The following ADCY1 variants were observed in gnomAD, a reference collection of about 807,000 sequenced individuals.
ADCY1 encodes adenylate cyclase 1.
A neutral mutation model predicts 105.4 loss-of-function variants in ADCY1; 28 were observed. The observed-to-expected ratio is 0.27, with a 90% CI of 0.20 to 0.36. The LOEUF (loss-of-function observed/expected upper bound fraction) is 0.36, where lower values mean the gene tolerates loss of function less well. Ranked by LOEUF, ADCY1 falls within the 10% of genes least tolerant of loss-of-function variation. ADCY1 has a pLI of 1.00. For missense variants in ADCY1, 977 were observed against 1,434.2 expected (o/e 0.68, Z 5.15); for synonymous variants, 655 against 623.8 (o/e 1.05, Z -0.75).
intron 6 of ADCY1, among the ~76,000 whole-genome samples, chr7:45,659,396 C>T (rs904354396): frequency 2.0e-5 from 3 of 152,222 alleles, no homozygotes; most frequent in Non-Finnish European, 2.9e-5. Flanking sequence ...GTTTGCTTCT[C>T]GCCCCATAAA....
At chr7:45,664,669 G>T in intron 8 of ADCY1, 4 of 398,498 alleles carry the variant, frequency 1.0e-5, no homozygotes, top group South Asian at 6.4e-5. Flanking sequence ...TTGACTGGAT[G>T]GTACACAGGC....
At chr7:45,629,709 C>T (rs892197590) in intron 4 of ADCY1, among the ~76,000 whole-genome samples, 3 of 151,820 alleles carry the variant, frequency 2.0e-5, no homozygotes, top group Non-Finnish European at 2.9e-5. Context: ...TTAGTAGAGA[C>T]GGGGTTTCAC....
chr7:45,707,169 A>G (rs1032026980), intron 17 of ADCY1, among the ~76,000 whole-genome samples: 1 of 152,198 alleles, frequency 6.6e-6, no homozygotes, highest in Admixed American at 6.5e-5. Context: ...AGTTAGACAT[A>G]ATGTTACCAT....
At chr7:45,599,276 C>G (rs928951092) in intron 2 of ADCY1, among the ~76,000 whole-genome samples, 1 of 151,926 alleles carries the variant, frequency 6.6e-6, no homozygotes, top group Non-Finnish European at 1.5e-5. Flanking sequence ...AAAGTGGTGT[C>G]GGGGGCATCC....
intron 17 of ADCY1, 135 bp downstream of exon 17, chr7:45,704,751 G>T: frequency 1.5e-6 from 1 of 679,280 alleles, no homozygotes; most frequent in Non-Finnish European, 2.5e-6. Context: ...CTTGAGTGCT[G>T]TTTTTGTCCG....
intron 2 of ADCY1, among the ~76,000 whole-genome samples, chr7:45,599,823 A>G (rs1793177695): frequency 6.6e-6 from 1 of 152,136 alleles, no homozygotes; most frequent in Admixed American, 6.5e-5. Flanking sequence ...ACGGGGTTTC[A>G]CCATGTTGGT....
chr7:45,595,843 T>A (rs913736592), intron 2 of ADCY1, among the ~76,000 whole-genome samples: 1 of 152,258 alleles, frequency 6.6e-6, no homozygotes, highest in Non-Finnish European at 1.5e-5. Flanking sequence ...ACTTTTGCTG[T>A]ATTTTTTCTG....
Position 45,714,983 on chromosome 7 carries a change from G to A in ADCY1, c.*988G>A, listed in dbSNP as rs3735669. On this transcript the variant is annotated 3_prime_UTR_variant, in exon 20 of 20. Transcript: ENST00000297323. Reference sequence around the variant, plus strand: ...CACCCATGAGCAAGTTTCCTTGATGGAAGATGCTGTTTCTCCGGCAGAACC... The same window carrying A: ...CACCCATGAGCAAGTTTCCTTGATGAAAGATGCTGTTTCTCCGGCAGAACC... 0.13 allele frequency: 20,555 copies of A among 152,274 alleles called. 1,731 individuals carry two copies. Among genetic ancestry groups the A allele is most frequent in the East Asian group, 0.33 (1,731 of 5,176 alleles). The allele number at this position is 152,274 out of a possible 1,614,324, so 9.4% of individuals were successfully genotyped here.
chr7:45,633,170 G>A (rs112764864), intron 4 of ADCY1, among the ~76,000 whole-genome samples: 6,221 of 152,190 alleles, frequency 0.041, 155 homozygotes, highest in Non-Finnish European at 0.055. Flanking sequence ...CACCTGCCTC[G>A]GTCTTCCAAA....
rs1265139012 is a variant in ADCY1 at position 45,703,880 on chromosome 7, G to A, written c.2718+134G>A. ...AGAAAGCAAATCCCGGGAAGCACAGGCATTCTGTCTCCTTTGGGATCCAGA... is the reference window on the plus strand; with the variant it reads ...AGAAAGCAAATCCCGGGAAGCACAGACATTCTGTCTCCTTTGGGATCCAGA... On this transcript the variant is annotated intron_variant, in intron 16 of 19. Coordinates refer to ENST00000297323, the MANE Select transcript of ADCY1 (RefSeq NM_021116.4). The surrounding 1 kb of genome is among the most constrained non-coding windows in gnomAD (Gnocchi z 5.9). The A allele has an allele frequency of 2.7e-5, 35 of 1,306,460 alleles. No individual in the cohort carries two copies. In the South Asian group the frequency reaches 4.0e-4, roughly 15 times the overall value. 80.9% of individuals were successfully genotyped at this position (1,306,460 alleles called of 1,614,324 possible). A position where few individuals can be genotyped will look rare whatever the true frequency, so the allele number is the denominator to read the frequency against.
chr7:45,687,442 T>G (rs983097601), intron 14 of ADCY1, among the ~76,000 whole-genome samples: 101 of 152,292 alleles, frequency 6.6e-4, no homozygotes, highest in Middle Eastern at 6.8e-3. Context: ...TCACACCAAC[T>G]CCATACTCCA....
chr7:45,629,204 C>T (rs947332295), intron 4 of ADCY1, among the ~76,000 whole-genome samples: 2 of 152,194 alleles, frequency 1.3e-5, no homozygotes, highest in African/African-American at 2.4e-5. Flanking sequence ...TGGAACAAAG[C>T]AATATGTACT....
chr7:45,712,331 G>C (rs1326278524), intron 19 of ADCY1, among the ~76,000 whole-genome samples: 4 of 148,082 alleles, frequency 2.7e-5, no homozygotes, highest in African/African-American at 1.0e-4. Context: ...AACTGGACTT[G>C]CCAGGGGAGA....
At chr7:45,631,135 G>GT (rs759345332) in intron 4 of ADCY1, among the ~76,000 whole-genome samples, 1 of 152,230 alleles carries the variant, frequency 6.6e-6, no homozygotes, top group Non-Finnish European at 1.5e-5. Flanking sequence ...GCTGTGATCA[G>GT]TGGGGTCAGT....
intron 1 of ADCY1, among the ~76,000 whole-genome samples, chr7:45,582,345 C>T (rs576992354): frequency 2.0e-5 from 3 of 152,228 alleles, no homozygotes; most frequent in Admixed American, 2.0e-4. Context: ...GTGACCTTGG[C>T]AATCTCAGAA....
chr7:45,640,379 C>A (rs1794501146), intron 4 of ADCY1, among the ~76,000 whole-genome samples: 1 of 152,112 alleles, frequency 6.6e-6, no homozygotes, highest in African/African-American at 2.4e-5. Context: ...CAGACAAAAT[C>A]ATAAATTGAT....
chr7:45,644,802 C>T lies in ADCY1; in HGVS notation c.1021-3868C>T, dbSNP rs188772867. Among the ~76,000 whole-genome samples, 371 of 152,194 alleles carry T rather than the reference C, an allele frequency of 2.4e-3. 2 individuals carry two copies. The highest frequency in any genetic ancestry group is 8.3e-3 in the African/African-American group (343 of 41,522). ...AAACACTAAAACCAATTAGAAATAC[C>T]TTTTTTGATCTCTTAAGCTTGCTAA... On this transcript the variant is annotated intron_variant, in intron 4 of 19. Coordinates refer to ENST00000297323, the MANE Select transcript of ADCY1 (RefSeq NM_021116.4).
chr7:45,662,377 T>G (rs1795128914), intron 8 of ADCY1, among the ~76,000 whole-genome samples, 163 bp downstream of exon 8: 1 of 152,260 alleles, frequency 6.6e-6, no homozygotes, highest in Non-Finnish European at 1.5e-5. Flanking sequence ...TTTTATTTCC[T>G]GCAAAAGTCA....
At chr7:45,596,402 C>T (rs12702152) in intron 2 of ADCY1, among the ~76,000 whole-genome samples, 47,851 of 151,402 alleles carry the variant, frequency 0.32, 8,208 homozygotes, top group East Asian at 0.52. Context: ...GGGAGACACA[C>T]CTGGTCCTGG....
Sources: allele counts gnomAD v4.1 joint callset (sites outside exome capture counted in the v4.1 genomes callset), GRCh38; gene constraint gnomAD v4.1.1; non-coding constraint Gnocchi (gnomAD v3.1); transcripts MANE v1.5; gene names NCBI Gene and HGNC (gene_info 2026-07-23, HGNC 2026-07-21).